RANBP10: variants seen among roughly 807,000 people sequenced by gnomAD.
RANBP10 encodes the protein RAN binding protein 10.
A neutral mutation model predicts 72.8 loss-of-function variants in RANBP10; 24 were observed. That is an observed-to-expected ratio of 0.33 (90% CI 0.24 to 0.46). The LOEUF is 0.46. Among genes scored for constraint, RANBP10 ranks in the 20% least tolerant of loss-of-function variants. RANBP10 has a pLI of 1.00. For synonymous variants in RANBP10, 310 were observed against 322.3 expected, an observed-to-expected ratio of 0.96 and a Z score of 0.41; for missense variants, 679 against 817.5, an observed-to-expected ratio of 0.83 and a Z score of 2.07.
intron 2 of RANBP10, among the ~76,000 whole-genome samples, chr16:67,781,525 T>G (rs1229994785): frequency 6.6e-6 from 1 of 152,160 alleles, no homozygotes; most frequent in Non-Finnish European, 1.5e-5. Flanking sequence ...GGAGAGGGAA[T>G]TATTTACGCT....
At chr16:67,741,011 A>C (rs1161336103) in intron 4 of RANBP10, among the ~76,000 whole-genome samples, 2 of 152,186 alleles carry the variant, frequency 1.3e-5, no homozygotes, top group East Asian at 3.9e-4. Flanking sequence ...AGGAGTCCCC[A>C]AGAAGCCTGG....
Position 67,728,426 on chromosome 16 carries a change from T to C in RANBP10, c.1438A>G (p.Lys480Glu). The change falls in exon 11 of 14, where the codon AAG becomes GAG. Residue 480 changes from lysine (K) to glutamate (E), a missense_variant. Coordinates refer to ENST00000317506, the MANE Select transcript of RANBP10 (RefSeq NM_020850.3). ...TCATCCGTCTGCAGGTCCTCATGCT[T>C]GTAGGCACCATTAACAATGCGTGTG... ...MSTRIVNGAY[K>E]HEDLQTDESS... is the part of the protein sequence containing the mutation. 1 of 1,614,180 alleles carries C rather than the reference T, an allele frequency of 6.2e-7. No individual in the cohort carries two copies.
chr16:67,777,631 T>C (rs1241827596), intron 2 of RANBP10, among the ~76,000 whole-genome samples: 3 of 152,086 alleles, frequency 2.0e-5, no homozygotes, highest in Non-Finnish European at 4.4e-5. Flanking sequence ...CAGACACAAA[T>C]AAATGGAAAG....
chr16:67,726,488 G>A lies in RANBP10; in HGVS notation c.1803C>T (p.Leu601=). The A allele has an allele frequency of 1.3e-6, 2 of 1,599,914 alleles. No individual in the cohort carries two copies. Among genetic ancestry groups the A allele is most frequent in the Non-Finnish European group, 1.7e-6 (2 of 1,173,232 alleles). Residue 601 remains leucine, a synonymous_variant, in exon 14 of 14, where the codon CTC becomes CTT. Coordinates refer to ENST00000317506, the MANE Select transcript of RANBP10 (RefSeq NM_020850.3). ...ALGQASECLR[L]MARAGLGSCS... ...AAGAACCCAGGCCTGCTCGGGCCATGAGCCGGAGACACTCAGATGCCTGGC... is the reference window on the plus strand; with the variant it reads ...AAGAACCCAGGCCTGCTCGGGCCATAAGCCGGAGACACTCAGATGCCTGGC...
chr16:67,735,146 G>A, intron 5 of RANBP10, 104 bp from the exon 6 acceptor site: 1 of 1,180,246 alleles, frequency 8.5e-7, no homozygotes, highest in South Asian at 1.6e-5. Context: ...GGCTGGGAGA[G>A]TTGCAGCAAG....
chr16:67,748,063 G>C (rs1009565449), intron 3 of RANBP10, among the ~76,000 whole-genome samples: 1 of 150,870 alleles, frequency 6.6e-6, no homozygotes, highest in Non-Finnish European at 1.5e-5. Context: ...CTGACCTCAC[G>C]ATCCACCCAC....
rs1244840164 is a variant in RANBP10 at position 67,725,206 on chromosome 16, G to A, written c.*1222C>T. ...GGCTAGGGCCCAGCTGCAGGGAGCT[G>A]TCTGGCACAGTGGCAGTGAAGTCTG... On this transcript the variant is annotated 3_prime_UTR_variant, in exon 14 of 14. Transcript: ENST00000317506. 1 of 152,632 alleles carries A rather than the reference G, an allele frequency of 6.6e-6. No homozygotes were observed. The highest frequency in any genetic ancestry group is 1.5e-5 in the Non-Finnish European group (1 of 68,124). The allele number at this position is 152,632 out of a possible 1,614,324, so 9.5% of individuals were successfully genotyped here. A position where few individuals can be genotyped will look rare whatever the true frequency, so the allele number is the denominator to read the frequency against.
chr16:67,795,376 CTAAA>C (rs1270029049), intron 2 of RANBP10, among the ~76,000 whole-genome samples: 1 of 151,000 alleles, frequency 6.6e-6, no homozygotes, highest in African/African-American at 2.4e-5. Flanking sequence ...CCTGTCTTTA[CTAAA>C]AATACAAAAT....
At chr16:67,775,544 G>A (rs2054688431) in intron 2 of RANBP10, among the ~76,000 whole-genome samples, 1 of 152,122 alleles carries the variant, frequency 6.6e-6, no homozygotes, top group Non-Finnish European at 1.5e-5. Context: ...CAGGTGTGGT[G>A]GCTCATGCCT....
chr16:67,729,242 G>A lies in RANBP10; in HGVS notation c.1352+38C>T. 6.2e-7 allele frequency: 1 copy of A among 1,604,530 alleles called. No individual in the cohort carries two copies. The highest frequency in any genetic ancestry group is 1.3e-5 in the African/African-American group (1 of 74,878). On this transcript the variant is annotated intron_variant, in intron 10 of 13. Coordinates refer to ENST00000317506, the MANE Select transcript of RANBP10 (RefSeq NM_020850.3). The surrounding 1 kb of genome is among the most constrained non-coding windows in gnomAD (Gnocchi z 7.1). ...ACTGCAATGGGCCCAGCTGGCATAA[G>A]GCAGAAGGCAGAGGAGGAAGCAGAG...
At chr16:67,776,220 G>A (rs1156290670) in intron 2 of RANBP10, among the ~76,000 whole-genome samples, 3 of 151,940 alleles carry the variant, frequency 2.0e-5, no homozygotes, top group Non-Finnish European at 2.9e-5. Flanking sequence ...AGCACTTTGG[G>A]AGGCTGAGGT....
chr16:67,803,650 CAAAAAAAAA>C (rs1184321273), intron 2 of RANBP10, among the ~76,000 whole-genome samples: 1 of 47,082 alleles, frequency 2.1e-5, no homozygotes, highest in Admixed American at 2.6e-4. Flanking sequence ...AACTCCGTCT[CAAAAAAAAA>C]AAAAAAAAAA....
intron 10 of RANBP10, among the ~76,000 whole-genome samples, chr16:67,728,845 C>T (rs1034411071): frequency 2.6e-5 from 4 of 152,248 alleles, no homozygotes; most frequent in African/African-American, 9.6e-5. Context: ...GCTCTGTGGC[C>T]TTGGTTGGAA....
chr16:67,766,537 G>A (rs926000738), intron 3 of RANBP10, among the ~76,000 whole-genome samples: 7 of 152,014 alleles, frequency 4.6e-5, no homozygotes, highest in Non-Finnish European at 1.0e-4. Context: ...GTTTGAAAAG[G>A]AGTCTGGTAC....
Position 67,733,074 on chromosome 16 carries a change from A to T in RANBP10, c.777-1490T>A, listed in dbSNP as rs563560018. Among the ~76,000 whole-genome samples the T allele has an allele frequency of 7.6e-3, 1,122 of 148,118 alleles. 8 individuals are homozygous for T. Among genetic ancestry groups the T allele is most frequent in the Non-Finnish European group, 0.012 (810 of 66,952 alleles). On this transcript the variant is annotated intron_variant, in intron 6 of 13. Transcript: ENST00000317506. ...ATCTCAAAAAAAAAAAAAAAAAAAA[A>T]AAATTATTGGCTGCGTGTGGTGGCT... is the stretch of plus-strand genomic sequence containing the variant.
intron 1 of RANBP10, 68 bp downstream of exon 1, chr16:67,806,234 G>A: frequency 1.4e-6 from 2 of 1,419,182 alleles, no homozygotes; most frequent in Admixed American, 2.3e-5. Flanking sequence ...GATAGGGCGG[G>A]GGCCTGGCAG....
chr16:67,788,398 G>A (rs985631561), intron 2 of RANBP10, among the ~76,000 whole-genome samples: 5 of 151,234 alleles, frequency 3.3e-5, no homozygotes, highest in Non-Finnish European at 5.9e-5. Flanking sequence ...GACTATAGGC[G>A]CCCGCCACCA....
rs747373968 is a variant in RANBP10 at position 67,806,328 on chromosome 16, T to C, written c.209A>G (p.Gln70Arg). The stretch of plus-strand genomic sequence containing the variant: ...TTTGTAGTGGACGCGGAGGTTGCCC[T>C]GGGAGAGACCAATGTAGTTGTATTT... ...KDKYNYIGLS[Q>R]GNLRVHYKGH... Residue 70 changes from glutamine to arginine, a missense_variant, in exon 1 of 14, where the codon CAG becomes CGG. Gln to Arg is a conservative substitution (Grantham distance 43). Transcript: ENST00000317506. 2.5e-6 allele frequency: 4 copies of C among 1,613,296 alleles called. No individual in the cohort carries two copies. In the African/African-American group the frequency reaches 5.3e-5, roughly 22 times the overall value.
At chr16:67,783,401 A>G (rs759376730) in intron 2 of RANBP10, among the ~76,000 whole-genome samples, 1 of 152,140 alleles carries the variant, frequency 6.6e-6, no homozygotes, top group African/African-American at 2.4e-5. Context: ...AGAACCCTGC[A>G]CAGAGAACCC....
Sources: gnomAD v4.1 joint callset for allele counts (sites outside exome capture counted in the v4.1 genomes callset) on GRCh38, gnomAD v4.1.1 for gene constraint, Gnocchi (gnomAD v3.1) non-coding constraint, MANE v1.5 for transcripts, NCBI Gene and HGNC (gene_info 2026-07-23, HGNC 2026-07-21) for gene names.